ADAM2: variants seen among roughly 807,000 people sequenced by gnomAD.
The protein encoded by ADAM2 is ADAM metallopeptidase domain 2, also known as disintegrin and metalloproteinase domain-containing protein 2.
In ADAM2, 101 loss-of-function variants were observed where a neutral mutation model predicts 99.3. That is an observed-to-expected ratio of 1.02 (90% CI 0.87 to 1.20). ADAM2 has a LOEUF of 1.20. Ranked by LOEUF, ADAM2 falls within the 50% of genes most tolerant of loss-of-function variation. ADAM2 has a pLI of 0.00. For missense variants in ADAM2, 948 were observed against 878.7 expected (o/e 1.08, Z -1.00); for synonymous variants, 323 against 287.6 (o/e 1.12, Z -1.25).
intron 7 of ADAM2, among the ~76,000 whole-genome samples, chr8:39,800,118 G>C (rs944373756): frequency 6.6e-6 from 1 of 152,090 alleles, no homozygotes; most frequent in African/African-American, 2.4e-5. Flanking sequence ...TCTTTGTAGT[G>C]CCATGGGTCT....
chr8:39,823,065 C>T (rs1247538903), intron 4 of ADAM2, among the ~76,000 whole-genome samples: 1 of 152,102 alleles, frequency 6.6e-6, no homozygotes, highest in Non-Finnish European at 1.5e-5. Context: ...CCACACCCGG[C>T]CTGAGGTCTG....
intron 18 of ADAM2, among the ~76,000 whole-genome samples, chr8:39,748,230 G>T (rs773601901): frequency 3.9e-4 from 60 of 152,134 alleles, no homozygotes; most frequent in Admixed American, 9.2e-4. Context: ...TCTGTAGGAA[G>T]ACCACGAGAG....
At chr8:39,837,290 C>T (rs1045242080) in intron 1 of ADAM2, 78 bp from the exon 2 acceptor site, 1 of 949,740 alleles carries the variant, frequency 1.1e-6, no homozygotes, top group African/African-American at 1.7e-5. Flanking sequence ...TCATCTAAAT[C>T]TCTAATCTCT....
At chr8:39,762,367 A>G (rs755112549) in intron 14 of ADAM2, among the ~76,000 whole-genome samples, 2 of 152,192 alleles carry the variant, frequency 1.3e-5, no homozygotes, top group Admixed American at 6.5e-5. Flanking sequence ...AACCTTGGCT[A>G]TGGTAGCAAG....
At chr8:39,771,214 T>A (rs552828697) in intron 11 of ADAM2, among the ~76,000 whole-genome samples, 1 of 152,218 alleles carries the variant, frequency 6.6e-6, no homozygotes, top group South Asian at 2.1e-4. Flanking sequence ...TTAGTATGCA[T>A]GCATGGTTCC....
intron 11 of ADAM2, among the ~76,000 whole-genome samples, chr8:39,772,874 T>A (rs1333169096): frequency 1.3e-5 from 2 of 151,890 alleles, no homozygotes; most frequent in Non-Finnish European, 2.9e-5. Flanking sequence ...AGGAAGAATA[T>A]TAATATAACC....
At chr8:39,747,879 T>TAAGA (rs1392608493) in intron 18 of ADAM2, among the ~76,000 whole-genome samples, 1 of 152,160 alleles carries the variant, frequency 6.6e-6, no homozygotes, top group Non-Finnish European at 1.5e-5. Flanking sequence ...CAACATGTAC[T>TAAGA]AAGACTTCAA....
chr8:39,833,236 C>T (rs908154270), intron 3 of ADAM2, among the ~76,000 whole-genome samples: 1 of 151,816 alleles, frequency 6.6e-6, no homozygotes, highest in Admixed American at 6.6e-5. Context: ...AAACTAGTAC[C>T]GTCCATCTTA....
intron 6 of ADAM2, among the ~76,000 whole-genome samples, chr8:39,812,536 C>T (rs1804749367): frequency 1.3e-5 from 2 of 152,070 alleles, no homozygotes; most frequent in Non-Finnish European, 2.9e-5. Flanking sequence ...TACTACAAGG[C>T]CACAGTAACC....
chr8:39,744,641 G>T (rs1442762362), intron 20 of ADAM2, among the ~76,000 whole-genome samples, 189 bp downstream of exon 20: 2 of 152,026 alleles, frequency 1.3e-5, no homozygotes, highest in African/African-American at 2.4e-5. Flanking sequence ...TCGGGGGTTG[G>T]GAGGCAAGGG....
At chr8:39,823,466 A>G (rs1805280708) in intron 4 of ADAM2, among the ~76,000 whole-genome samples, 1 of 151,902 alleles carries the variant, frequency 6.6e-6, no homozygotes, top group Non-Finnish European at 1.5e-5. Context: ...TTTGAGATCA[A>G]CTTGCAACTA....
intron 6 of ADAM2, among the ~76,000 whole-genome samples, chr8:39,816,491 C>G (rs547665992): frequency 2.0e-5 from 3 of 152,182 alleles, no homozygotes; most frequent in African/African-American, 7.2e-5. Context: ...CATATATCCA[C>G]ATAAAACATA....
intron 15 of ADAM2, among the ~76,000 whole-genome samples, chr8:39,757,308 C>T (rs1285951876): frequency 6.6e-6 from 1 of 152,052 alleles, no homozygotes; most frequent in Non-Finnish European, 1.5e-5. Flanking sequence ...CACACATGCT[C>T]ACACTTTGAA....
intron 11 of ADAM2, among the ~76,000 whole-genome samples, chr8:39,775,326 C>T (rs928809761): frequency 6.6e-6 from 1 of 151,686 alleles, no homozygotes; most frequent in Non-Finnish European, 1.5e-5. Flanking sequence ...TGTGTTGTGC[C>T]CATTCTAAAT....
At chr8:39,790,586 T>A (rs113541342) in intron 7 of ADAM2, among the ~76,000 whole-genome samples, 2,288 of 152,074 alleles carry the variant, frequency 0.015, 26 homozygotes, top group Non-Finnish European at 0.019. Context: ...TATAAGGTGA[T>A]GAATATTCTA....
intron 11 of ADAM2, among the ~76,000 whole-genome samples, chr8:39,771,373 A>G (rs1446185027): frequency 6.6e-6 from 1 of 152,194 alleles, no homozygotes; most frequent in Non-Finnish European, 1.5e-5. Flanking sequence ...GAATGTTACT[A>G]ATTTAATCAT....
At chr8:39,819,995 G>C (rs765786888) in intron 6 of ADAM2, among the ~76,000 whole-genome samples, 1 of 152,102 alleles carries the variant, frequency 6.6e-6, no homozygotes, top group Non-Finnish European at 1.5e-5. Flanking sequence ...ACTTTGACTA[G>C]ATTTAAAGAC....
At chr8:39,744,684 T>C in intron 20 of ADAM2, 146 bp downstream of exon 20, 1 of 511,906 alleles carries the variant, frequency 2.0e-6, no homozygotes, top group East Asian at 3.3e-5. Flanking sequence ...ACCTAATGCA[T>C]GTGGGGCTTA....
chr8:39,746,678 T>C (rs766964628), intron 18 of ADAM2, 47 bp from the exon 19 acceptor site: 2 of 1,430,458 alleles, frequency 1.4e-6, no homozygotes, highest in Non-Finnish European at 1.9e-6. Flanking sequence ...ACCAGAAATA[T>C]AGTAAAGATA....
Sources: gnomAD v4.1 joint callset for allele counts (sites outside exome capture counted in the v4.1 genomes callset) on GRCh38, gnomAD v4.1.1 for gene constraint, MANE v1.5 for transcripts, NCBI Gene and HGNC (gene_info 2026-07-23, HGNC 2026-07-21) for gene names.